TRIO: variants seen among roughly 807,000 people sequenced by gnomAD.
TRIO encodes trio Rho guanine nucleotide exchange factor.
A neutral mutation model predicts 351.9 loss-of-function variants in TRIO; 58 were observed. The ratio of observed to expected loss-of-function variants is 0.16; its 90% CI spans 0.13 to 0.21. The LOEUF is 0.21. TRIO is among the 10% of genes least tolerant of loss of function. The pLI, the probability that TRIO is intolerant of heterozygous loss-of-function variation, is 1.00. For synonymous variants in TRIO, 1,758 were observed against 1,595.7 expected, an observed-to-expected ratio of 1.10 and a Z score of -2.42; for missense variants, 3,201 against 4,027.8, an observed-to-expected ratio of 0.79 and a Z score of 5.56.
At chr5:14,426,430 T>TGTGG (rs946077899) in intron 34 of TRIO, among the ~76,000 whole-genome samples, 15 of 152,192 alleles carry the variant, frequency 9.9e-5, no homozygotes, top group Admixed American at 3.9e-4. Context: ...GAATAAATCT[T>TGTGG]GGTCTAGTTA....
chr5:14,162,690 G>T (rs1447892944), intron 1 of TRIO, among the ~76,000 whole-genome samples: 2 of 152,174 alleles, frequency 1.3e-5, no homozygotes, highest in East Asian at 3.9e-4. Context: ...GATGATAATC[G>T]TATTCCTTTG....
At chr5:14,294,662 G>A (rs975137481) in intron 6 of TRIO, among the ~76,000 whole-genome samples, 2 of 152,174 alleles carry the variant, frequency 1.3e-5, no homozygotes, top group South Asian at 2.1e-4. Context: ...GGACGTAGAG[G>A]CTTTTAATTC....
In TRIO at chr5:14,377,253, G is replaced by GT. The variant is rs753353240; in HGVS notation, c.3332-748dup. Reference sequence around the variant, plus strand: ...GGGTTATGGTTTTGTATTTTTTTTTGTTTTTTTTTTTAGACGGAGTCTTGC... The same window carrying GT: ...GGGTTATGGTTTTGTATTTTTTTTTGTTTTTTTTTTTTAGACGGAGTCTTGC... On this transcript the variant is annotated intron_variant, in intron 19 of 56. Coordinates refer to ENST00000344204, the MANE Select transcript of TRIO (RefSeq NM_007118.4). Among the ~76,000 whole-genome samples the GT allele has an allele frequency of 7.4e-3, 966 of 130,672 alleles. 2 individuals carry two copies. The highest frequency in any genetic ancestry group is 0.013 in the Non-Finnish European group (756 of 60,172). 85.7% of individuals were successfully genotyped at this position (130,672 alleles called of 152,430 possible). A position where few individuals can be genotyped will look rare whatever the true frequency, so the allele number is the denominator to read the frequency against.
intron 1 of TRIO, among the ~76,000 whole-genome samples, chr5:14,258,718 A>C (rs1458575330): frequency 6.6e-6 from 1 of 152,174 alleles, no homozygotes; most frequent in Non-Finnish European, 1.5e-5. Context: ...AAGCAGGAGG[A>C]GGCCCTGTGG....
chr5:14,276,789 A>T (rs1464432283), intron 2 of TRIO, among the ~76,000 whole-genome samples: 2 of 152,230 alleles, frequency 1.3e-5, no homozygotes, highest in Non-Finnish European at 2.9e-5. Context: ...TTTAAAGAGA[A>T]AGAGGTGATT....
At chr5:14,450,159 C>T (rs977322241) in intron 34 of TRIO, among the ~76,000 whole-genome samples, 2 of 152,274 alleles carry the variant, frequency 1.3e-5, no homozygotes, top group South Asian at 2.1e-4. Context: ...TTGGTGAGAT[C>T]GACGCGGCCG....
intron 1 of TRIO, among the ~76,000 whole-genome samples, chr5:14,152,355 AGTTTTTTTGTTTGTTT>A (rs1479558668): frequency 2.1e-5 from 3 of 140,174 alleles, no homozygotes; most frequent in East Asian, 4.1e-4. Flanking sequence ...GATGTATTTC[AGTTTTTTTGTTTGTTT>A]GTTTGTTTGT....
chr5:14,299,924 G>T (rs30634), intron 7 of TRIO, among the ~76,000 whole-genome samples: 113,311 of 152,180 alleles, frequency 0.74, 42,921 homozygotes, highest in Middle Eastern at 0.82. Flanking sequence ...ATGGGTGGTG[G>T]TGTGCTAGCA....
chr5:14,176,107 G>A (rs939993923), intron 1 of TRIO, among the ~76,000 whole-genome samples: 4 of 151,998 alleles, frequency 2.6e-5, no homozygotes, highest in African/African-American at 9.7e-5. Context: ...AGGAGTTCAA[G>A]GCCAGCCTGG....
intron 54 of TRIO, among the ~76,000 whole-genome samples, chr5:14,503,279 C>T (rs191773361): frequency 2.8e-3 from 434 of 152,336 alleles, no homozygotes; most frequent in African/African-American, 9.8e-3. Flanking sequence ...TAAGAACTCC[C>T]CCAGAAACTC....
intron 1 of TRIO, among the ~76,000 whole-genome samples, chr5:14,190,137 C>G (rs574692934): frequency 6.6e-6 from 1 of 152,254 alleles, no homozygotes; most frequent in South Asian, 2.1e-4. Flanking sequence ...CAGGTTCCAT[C>G]TAGTAGAGGC....
At chr5:14,213,378 A>G (rs937451783) in intron 1 of TRIO, among the ~76,000 whole-genome samples, 4 of 149,266 alleles carry the variant, frequency 2.7e-5, no homozygotes, top group Non-Finnish European at 5.9e-5. Context: ...TATATGCACT[A>G]TATATATATA....
chr5:14,403,632 T>G (rs1579554068), intron 31 of TRIO, among the ~76,000 whole-genome samples: 1 of 122,832 alleles, frequency 8.1e-6, no homozygotes, highest in Non-Finnish European at 1.7e-5. Flanking sequence ...TAGGTTGTGG[T>G]GGTGAGGGTG....
At position 14,214,544 on chromosome 5, in the gene TRIO, G is replaced by GA. The variant is rs554702529; in HGVS notation, c.158-56274dup. On this transcript the variant is annotated intron_variant, in intron 1 of 56. Transcript: ENST00000344204. ...ACACAGTTTTTTGCAAAGGTTAGGG[G>GA]AAAAAAATCTGTTATTTAAAATCTA... 7.7e-3 allele frequency among the ~76,000 whole-genome samples: 1,174 copies of GA among 152,174 alleles called. 4 individuals carry two copies. Among genetic ancestry groups the GA allele is most frequent in the Non-Finnish European group, 0.012 (805 of 67,988 alleles).
intron 33 of TRIO, among the ~76,000 whole-genome samples, chr5:14,412,609 C>T (rs1250449817): frequency 1.3e-5 from 2 of 152,224 alleles, no homozygotes; most frequent in Non-Finnish European, 1.5e-5. Context: ...TGGAGCTGCT[C>T]AGAGAGGATG....
intron 1 of TRIO, among the ~76,000 whole-genome samples, chr5:14,228,730 A>G (rs1416291119): frequency 2.6e-5 from 4 of 152,186 alleles, no homozygotes; most frequent in African/African-American, 4.8e-5. Context: ...CTTACTTGTT[A>G]GAAAAAAAGG....
intron 34 of TRIO, among the ~76,000 whole-genome samples, chr5:14,450,194 C>G (rs933792456): frequency 3.3e-5 from 5 of 152,200 alleles, no homozygotes; most frequent in African/African-American, 9.7e-5. Flanking sequence ...GGACTCCTCA[C>G]TCTTGAGTGG....
chr5:14,159,120 G>T (rs952118334), intron 1 of TRIO, among the ~76,000 whole-genome samples: 24 of 152,170 alleles, frequency 1.6e-4, no homozygotes, highest in African/African-American at 5.8e-4. Context: ...ACTCTGACGT[G>T]CGTCTCTTAT....
chr5:14,496,650 C>A (rs1756913946), intron 49 of TRIO, among the ~76,000 whole-genome samples: 1 of 152,178 alleles, frequency 6.6e-6, no homozygotes, highest in South Asian at 2.1e-4. Flanking sequence ...AATCAGTTAT[C>A]ACAGGCACCT....
Sources: allele counts gnomAD v4.1 joint callset (sites outside exome capture counted in the v4.1 genomes callset), GRCh38; gene constraint gnomAD v4.1.1; transcripts MANE v1.5; gene names NCBI Gene and HGNC (gene_info 2026-07-23, HGNC 2026-07-21).